The following ATP8A2 variants were observed in gnomAD, a reference collection of about 807,000 sequenced individuals.
ATP8A2 encodes ATPase phospholipid transporting 8A2.
In ATP8A2, 100 loss-of-function variants were observed where a neutral mutation model predicts 165.6. The ratio of observed to expected loss-of-function variants is 0.60; its 90% CI spans 0.51 to 0.71. The LOEUF (loss-of-function observed/expected upper bound fraction) is 0.71. Among genes scored for constraint, ATP8A2 ranks in the 30% least tolerant of loss-of-function variants. The pLI, the probability that ATP8A2 is intolerant of heterozygous loss-of-function variation, is 0.00. For missense variants in ATP8A2, 1,227 were observed against 1,479.5 expected, an observed-to-expected ratio of 0.83 and a Z score of 2.80; for synonymous variants, 543 against 548.8, an observed-to-expected ratio of 0.99 and a Z score of 0.15.
At chr13:25,869,502 G>A (rs773897955) in intron 33 of ATP8A2, among the ~76,000 whole-genome samples, 2 of 152,186 alleles carry the variant, frequency 1.3e-5, no homozygotes, top group Non-Finnish European at 2.9e-5. Flanking sequence ...TTAAGCTAAT[G>A]CCTAAGACAT....
chr13:25,831,448 C>T (rs568020809), intron 28 of ATP8A2, among the ~76,000 whole-genome samples: 11 of 152,216 alleles, frequency 7.2e-5, no homozygotes, highest in Middle Eastern at 3.4e-3. Flanking sequence ...CTCCTGAACT[C>T]GTGTTCCACC....
chr13:26,000,706 A>AAAG (rs2139320062), intron 35 of ATP8A2, among the ~76,000 whole-genome samples: 1 of 151,406 alleles, frequency 6.6e-6, no homozygotes, highest in South Asian at 2.1e-4. Flanking sequence ...GAGCCAAAAA[A>AAAG]AAAAAAAAAA....
chr13:25,413,098 G>A (rs868587366), intron 1 of ATP8A2, among the ~76,000 whole-genome samples: 6 of 151,974 alleles, frequency 3.9e-5, no homozygotes, highest in African/African-American at 1.4e-4. Context: ...GATTACAGGC[G>A]TGAGCCACCG....
intron 33 of ATP8A2, among the ~76,000 whole-genome samples, chr13:25,897,797 G>T (rs139692280): frequency 6.6e-6 from 1 of 151,778 alleles, no homozygotes; most frequent in African/African-American, 2.4e-5. Flanking sequence ...ATCTTCCATC[G>T]CTGATACCCT....
In ATP8A2 at chr13:25,569,526, A is replaced by C. The variant is rs182297761; in HGVS notation, c.1474-1241A>C. On this transcript the variant is annotated intron_variant, in intron 16 of 36. Transcript: ENST00000381655. ...CTATTTAAAAGGGATGCACTAGAAC[A>C]CTGACATTAAAATAACCCCAGGACA... Among the ~76,000 whole-genome samples, 10 of 152,338 alleles carry C rather than the reference A, an allele frequency of 6.6e-5. No individual in the cohort carries two copies. In the East Asian group the frequency reaches 1.7e-3, roughly 26 times the overall value.
chr13:25,829,712 A>ATATATATG (rs1951415137), intron 28 of ATP8A2, among the ~76,000 whole-genome samples: 2 of 105,806 alleles, frequency 1.9e-5, no homozygotes, highest in Non-Finnish European at 3.8e-5. Context: ...ATATATATAT[A>ATATATATG]TATATATATC....
Position 25,639,918 on chromosome 13 carries a change from G to A in ATP8A2, c.2211+50219G>A, listed in dbSNP as rs149215264. 0.013 allele frequency among the ~76,000 whole-genome samples: 2,012 copies of A among 152,296 alleles called. 187 individuals are homozygous for A. The East Asian group carries it at 0.24, about 18-fold the overall frequency. On this transcript the variant is annotated intron_variant, in intron 24 of 36. Transcript: ENST00000381655. Reference sequence around the variant, plus strand: ...AACAAACTATCTCTCAGACCACAGTGCAATCAAACTGGAACTCAGGATTAA... The same window carrying A: ...AACAAACTATCTCTCAGACCACAGTACAATCAAACTGGAACTCAGGATTAA...
intron 25 of ATP8A2, among the ~76,000 whole-genome samples, chr13:25,732,085 G>T (rs2043661256): frequency 1.3e-5 from 2 of 152,162 alleles, no homozygotes; most frequent in Admixed American, 1.3e-4. Flanking sequence ...TGTCTTCCCT[G>T]TGTTAGTGAA....
intron 2 of ATP8A2, among the ~76,000 whole-genome samples, chr13:25,475,429 T>G (rs1355800369): frequency 6.6e-6 from 1 of 152,178 alleles, no homozygotes; most frequent in Admixed American, 6.5e-5. Context: ...TGATGGACAT[T>G]TAGGTTGATT....
chr13:25,841,685 A>T (rs939929036), intron 30 of ATP8A2, among the ~76,000 whole-genome samples: 1 of 152,248 alleles, frequency 6.6e-6, no homozygotes, highest in African/African-American at 2.4e-5. Context: ...GTGACAGTAG[A>T]TATATCAATG....
At chr13:25,399,900 A>ATTCTTCTCCGCCTTC (rs2033576931) in intron 1 of ATP8A2, among the ~76,000 whole-genome samples, 1 of 143,360 alleles carries the variant, frequency 7.0e-6, no homozygotes, top group African/African-American at 2.6e-5. Flanking sequence ...TCCTCCTCTT[A>ATTCTTCTCCGCCTTC]TTCTTCTCCT....
chr13:25,576,338 A>G (rs931403975), intron 19 of ATP8A2, among the ~76,000 whole-genome samples: 6 of 152,124 alleles, frequency 3.9e-5, no homozygotes, highest in Non-Finnish European at 7.4e-5. Context: ...GGAGGATGAA[A>G]TGTTGGCAAA....
In ATP8A2 at chr13:25,391,776, C is replaced by T. The variant is rs549002040; in HGVS notation, c.76+19488C>T. ...CCCTTCCAGGAGGCCATACAGAGGC[C>T]GTACAGAAGGAAGGCCACAGTGGGG... On this transcript the variant is annotated intron_variant, in intron 1 of 36. Coordinates refer to ENST00000381655, the MANE Select transcript of ATP8A2 (RefSeq NM_016529.6). Among the ~76,000 whole-genome samples, 51 of 152,256 alleles carry T rather than the reference C, an allele frequency of 3.3e-4. 1 individual carries two copies. Among genetic ancestry groups the T allele is most frequent in the African/African-American group, 1.1e-3 (46 of 41,558 alleles).
chr13:25,630,363 G>A (rs2041211619), intron 24 of ATP8A2, among the ~76,000 whole-genome samples: 1 of 152,170 alleles, frequency 6.6e-6, no homozygotes, highest in African/African-American at 2.4e-5. Flanking sequence ...TGGCAGCGTT[G>A]ATCTCCATAG....
At chr13:25,742,620 CTTAA>C (rs889597278) in intron 25 of ATP8A2, among the ~76,000 whole-genome samples, 86 of 149,562 alleles carry the variant, frequency 5.8e-4, no homozygotes, top group South Asian at 1.1e-3. Context: ...ACATATTTGA[CTTAA>C]TTAATCCCCC....
intron 33 of ATP8A2, among the ~76,000 whole-genome samples, chr13:25,949,715 CT>C (rs1270547917): frequency 6.6e-6 from 1 of 152,172 alleles, no homozygotes; most frequent in African/African-American, 2.4e-5. Context: ...ACAATTGCCC[CT>C]GAGACACGGA....
At chr13:25,449,026 A>G (rs980214772) in intron 1 of ATP8A2, among the ~76,000 whole-genome samples, 1 of 152,092 alleles carries the variant, frequency 6.6e-6, no homozygotes, top group Non-Finnish European at 1.5e-5. Flanking sequence ...AATACTGCCA[A>G]AAAAAATCCT....
At chr13:25,610,909 T>C (rs2040667735) in intron 24 of ATP8A2, among the ~76,000 whole-genome samples, 1 of 150,210 alleles carries the variant, frequency 6.7e-6, no homozygotes, top group East Asian at 1.9e-4. Flanking sequence ...TTGCAGCTAT[T>C]GTAGAAGGGG....
chr13:25,587,045 A>G, intron 23 of ATP8A2, among the ~76,000 whole-genome samples: 1 of 152,212 alleles, frequency 6.6e-6, no homozygotes, highest in East Asian at 1.9e-4. Context: ...TTCTCCTCTC[A>G]GTCATTTTAT....
Sources: gnomAD v4.1 joint callset for allele counts (sites outside exome capture counted in the v4.1 genomes callset) on GRCh38, gnomAD v4.1.1 for gene constraint, MANE v1.5 for transcripts, NCBI Gene and HGNC (gene_info 2026-07-23, HGNC 2026-07-21) for gene names.